The following DNAH5 variants were observed in gnomAD, a reference collection of about 807,000 sequenced individuals.
DNAH5 encodes the protein axonemal beta dynein heavy chain 5.
A neutral mutation model predicts 518.2 loss-of-function variants in DNAH5; 372 were observed. That is an observed-to-expected ratio of 0.72 (90% confidence interval 0.66 to 0.78). The LOEUF is 0.78. Ranked by LOEUF, DNAH5 falls within the 30% of genes least tolerant of loss-of-function variation. The pLI is 0.00. For synonymous variants in DNAH5, 2,039 were observed against 2,025.9 expected (o/e 1.01, Z -0.17); for missense variants, 5,523 against 5,687.0 (o/e 0.97, Z 0.93).
At chr5:13,921,510 C>A (rs1580899257) in intron 5 of DNAH5, among the ~76,000 whole-genome samples, 1 of 147,370 alleles carries the variant, frequency 6.8e-6, no homozygotes, top group Admixed American at 6.8e-5. Flanking sequence ...CACACACACA[C>A]ACACACACAA....
chr5:13,887,670 C>T (rs780867864), intron 17 of DNAH5, among the ~76,000 whole-genome samples: 27 of 152,218 alleles, frequency 1.8e-4, no homozygotes, highest in Non-Finnish European at 3.7e-4. Flanking sequence ...TTCTCAAGGT[C>T]TCTTCACCCT....
chr5:13,736,648 C>T (rs1488178418), intron 66 of DNAH5, among the ~76,000 whole-genome samples: 2 of 152,064 alleles, frequency 1.3e-5, no homozygotes, highest in African/African-American at 4.8e-5. Context: ...GCCTGTCTCA[C>T]ACTCCTGACC....
chr5:13,922,058 C>T (rs1384796295), intron 5 of DNAH5, 49 bp downstream of exon 5: 1 of 1,580,462 alleles, frequency 6.3e-7, no homozygotes. Flanking sequence ...ATGTACTGTG[C>T]TTGTTGACCA....
chr5:13,913,450 A>G (rs1776264597), intron 11 of DNAH5, among the ~76,000 whole-genome samples: 1 of 152,064 alleles, frequency 6.6e-6, no homozygotes, highest in African/African-American at 2.4e-5. Flanking sequence ...ATAAAACAAT[A>G]AGTTACAATT....
intron 6 of DNAH5, 76 bp downstream of exon 6, chr5:13,920,404 A>G: frequency 6.3e-7 from 1 of 1,577,576 alleles, no homozygotes; most frequent in Non-Finnish European, 8.7e-7. Flanking sequence ...GGAATGTCGT[A>G]TGTCAATACA....
At chr5:13,844,562 C>A (rs1765703278) in intron 32 of DNAH5, among the ~76,000 whole-genome samples, 1 of 152,130 alleles carries the variant, frequency 6.6e-6, no homozygotes, top group African/African-American at 2.4e-5. Flanking sequence ...GGATTTCTTA[C>A]TAGTTAACTT....
chr5:13,944,956 T>C (rs1452997422), upstream of DNAH5, among the ~76,000 whole-genome samples: 1 of 152,244 alleles, frequency 6.6e-6, no homozygotes, highest in East Asian at 1.9e-4. Context: ...TCAGTCTTAC[T>C]TTGTGTAAAC....
intron 22 of DNAH5, among the ~76,000 whole-genome samples, chr5:13,874,131 C>T (rs561506202): frequency 6.6e-6 from 1 of 152,290 alleles, no homozygotes; most frequent in Admixed American, 6.5e-5. Flanking sequence ...CCTATCCCAA[C>T]CACAAATGAT....
chr5:13,717,664 ATAATT>A, intron 72 of DNAH5, 144 bp from the exon 73 acceptor site: 1 of 792,300 alleles, frequency 1.3e-6, no homozygotes, highest in Admixed American at 2.1e-5. Context: ...TGTGACAATA[ATAATT>A]TAACTTTTGG....
At position 13,793,726 on chromosome 5, in the gene DNAH5, A is replaced by G; in HGVS notation, c.8013T>C (p.Val2671=). 1 of 1,613,842 alleles carries G rather than the reference A, an allele frequency of 6.2e-7. No individual in the cohort carries two copies. Among genetic ancestry groups the G allele is most frequent in the Non-Finnish European group, 8.5e-7 (1 of 1,179,898 alleles). ...TCAGCTGTCGCACTATCTCATTCGT[A>G]ACCTACAAAAGACAACTTTCAGAAT... The part of the protein sequence containing the change: ...MPIINEWGDQ[V]TNEIVRQLME... The change falls in exon 49 of 79, where the codon GTT becomes GTC. Residue 2671 remains valine (V), a splice_region_variant and synonymous_variant. Transcript: ENST00000265104.
intron 6 of DNAH5, among the ~76,000 whole-genome samples, chr5:13,920,040 C>A (rs1777087271): frequency 6.6e-6 from 1 of 152,226 alleles, no homozygotes; most frequent in South Asian, 2.1e-4. Flanking sequence ...TGTTAAATTG[C>A]ATGGCTCAGG....
intron 1 of DNAH5, among the ~76,000 whole-genome samples, chr5:13,943,692 A>G (rs1260188618): frequency 6.6e-6 from 1 of 152,124 alleles, no homozygotes. Flanking sequence ...GGTAAAAACA[A>G]CAGGCTAGGG....
intron 70 of DNAH5, among the ~76,000 whole-genome samples, chr5:13,725,568 CA>C (rs1745607126): frequency 6.6e-6 from 1 of 152,204 alleles, no homozygotes; most frequent in African/African-American, 2.4e-5. Flanking sequence ...TTGTTCATCC[CA>C]ATATGTGGTC....
chr5:13,882,622 TC>T, intron 21 of DNAH5, 105 bp downstream of exon 21: 5 of 902,162 alleles, frequency 5.5e-6, no homozygotes, highest in Non-Finnish European at 8.8e-6. Context: ...AGATTAATAT[TC>T]TGATGTAAAA....
intron 47 of DNAH5, 66 bp downstream of exon 47, chr5:13,807,525 A>G: frequency 2.0e-6 from 3 of 1,478,088 alleles, no homozygotes; most frequent in Non-Finnish European, 2.8e-6. Context: ...GCAGAATAGT[A>G]GAGATTTGAG....
chr5:13,920,865 A>G (rs1187847605), intron 5 of DNAH5, among the ~76,000 whole-genome samples: 1 of 152,134 alleles, frequency 6.6e-6, no homozygotes, highest in East Asian at 1.9e-4. Flanking sequence ...TCTCCCACTC[A>G]GAAAGAATGC....
intron 35 of DNAH5, among the ~76,000 whole-genome samples, chr5:13,834,552 A>C (rs1764121663): frequency 6.6e-6 from 1 of 152,238 alleles, no homozygotes; most frequent in African/African-American, 2.4e-5. Flanking sequence ...TCTAGCAAAC[A>C]AATCACATGA....
intron 65 of DNAH5, 53 bp from the exon 66 acceptor site, chr5:13,737,548 T>C: frequency 6.3e-7 from 1 of 1,583,906 alleles, no homozygotes; most frequent in South Asian, 1.1e-5. Flanking sequence ...TCTTGTTGAG[T>C]ATTCCTTAAG....
intron 42 of DNAH5, 129 bp downstream of exon 42, chr5:13,817,419 G>T: frequency 3.4e-6 from 3 of 891,094 alleles, no homozygotes; most frequent in Middle Eastern, 2.5e-4. Flanking sequence ...ATATCACACT[G>T]ATTTATGACT....
Sources: allele counts gnomAD v4.1 joint callset (sites outside exome capture counted in the v4.1 genomes callset), GRCh38; gene constraint gnomAD v4.1.1; transcripts MANE v1.5; gene names NCBI Gene and HGNC (gene_info 2026-07-23, HGNC 2026-07-21).